Variants in MOSPD1 observed in about 807,000 individuals in gnomAD.
The protein encoded by MOSPD1 is motile sperm domain-containing protein 1.
In MOSPD1, 5 loss-of-function variants were observed where a neutral mutation model predicts 16.7. The ratio of observed to expected loss-of-function variants is 0.30; its 90% confidence interval spans 0.16 to 0.63. The LOEUF is 0.63. MOSPD1 is among the 30% of genes least tolerant of loss of function. The pLI, the probability that MOSPD1 is intolerant of heterozygous loss-of-function variation, is 0.82. For missense variants in MOSPD1, 104 were observed against 153.6 expected, an observed-to-expected ratio of 0.68 and a Z score of 1.71; for synonymous variants, 67 against 59.2, an observed-to-expected ratio of 1.13 and a Z score of -0.61.
At chrX:134,894,870 A>G (rs1481074290) in intron 4 of MOSPD1, among the ~76,000 whole-genome samples, 3 of 111,976 alleles carry the variant, frequency 2.7e-5, no homozygotes, top group African/African-American at 9.7e-5. Flanking sequence ...CTAGGTGCTG[A>G]GGATATAAAA....
At chrX:134,912,138 C>A (rs1262813564) in intron 1 of MOSPD1, among the ~76,000 whole-genome samples, 1 of 111,831 alleles carries the variant, frequency 8.9e-6, no homozygotes, top group Non-Finnish European at 1.9e-5. Context: ...GCAACCTCTG[C>A]TCCCAGATTC....
rs1334775922 is a variant in MOSPD1, at chrX:134,899,384, A to C, written c.50T>G (p.Val17Gly). The C allele has an allele frequency of 8.4e-7, 1 of 1,195,073 alleles. No individual in the cohort carries two copies. Among genetic ancestry groups the C allele is most frequent in the Non-Finnish European group, 1.1e-6 (1 of 890,824 alleles). ...TATGAGCTCCGTGGGGAACACGAAA[A>C]CAGGAAGATTTCCTTCCACTAACTC... ...QPELVEGNLPVFVFPTELIFY... is the reference protein window; with the variant it reads ...QPELVEGNLPGFVFPTELIFY... Residue 17 changes from valine to glycine, a missense_variant, in exon 2 of 6, where the codon GTT becomes GGT. Coordinates refer to ENST00000370783, the MANE Select transcript of MOSPD1 (RefSeq NM_019556.3).
chrX:134,890,074 C>CAAAAA (rs10691243), intron 5 of MOSPD1, among the ~76,000 whole-genome samples: 1 of 57,018 alleles, frequency 1.8e-5, no homozygotes. Context: ...GACTTTATCT[C>CAAAAA]AAAAAAAAAA....
intron 1 of MOSPD1, among the ~76,000 whole-genome samples, chrX:134,910,158 T>C (rs6529652): frequency 0.46 from 50,291 of 110,173 alleles, 9,628 homozygotes; most frequent in African/African-American, 0.74. Context: ...AATCCCAGCA[T>C]TTTGGGAGGC....
intron 4 of MOSPD1, among the ~76,000 whole-genome samples, chrX:134,894,440 C>G (rs185718789): frequency 6.4e-4 from 72 of 111,658 alleles, no homozygotes; most frequent in African/African-American, 2.2e-3. Context: ...CATTTCAAAG[C>G]CTCCCCAAAA....
chrX:134,908,802 T>A (rs1297029841), intron 1 of MOSPD1, among the ~76,000 whole-genome samples: 2 of 111,811 alleles, frequency 1.8e-5, no homozygotes, highest in Non-Finnish European at 1.9e-5. Flanking sequence ...AGTATGATGG[T>A]TTTTTCCATT....
chrX:134,906,503 G>A (rs921542790), intron 1 of MOSPD1, among the ~76,000 whole-genome samples: 6 of 110,017 alleles, frequency 5.5e-5, no homozygotes, highest in Admixed American at 3.9e-4. Context: ...TAAGATATAA[G>A]TTGCATCCTA....
intron 1 of MOSPD1, among the ~76,000 whole-genome samples, chrX:134,902,707 C>A (rs2082918174): frequency 9.1e-6 from 1 of 109,486 alleles, no homozygotes; most frequent in African/African-American, 3.3e-5. Flanking sequence ...GTGGGAGGAT[C>A]ATCTGAGTCC....
chrX:134,913,036 C>T (rs1397160354), intron 1 of MOSPD1, among the ~76,000 whole-genome samples: 1 of 110,670 alleles, frequency 9.0e-6, no homozygotes, highest in Non-Finnish European at 1.9e-5. Context: ...GTCAGGAGTT[C>T]GAGACCAGCC....
intron 1 of MOSPD1, among the ~76,000 whole-genome samples, chrX:134,912,198 C>A (rs1029760273): frequency 9.0e-6 from 1 of 111,658 alleles, no homozygotes; most frequent in South Asian, 3.7e-4. Flanking sequence ...TACAGGCATG[C>A]GCCCCACGCC....
intron 5 of MOSPD1, among the ~76,000 whole-genome samples, chrX:134,891,059 C>T (rs935982478): frequency 1.6e-4 from 18 of 111,387 alleles, no homozygotes; most frequent in African/African-American, 5.9e-4. Flanking sequence ...AGGTTCTGAA[C>T]ATGGTGGCTT....
intron 1 of MOSPD1, among the ~76,000 whole-genome samples, chrX:134,914,458 G>A (rs891525908): frequency 1.8e-5 from 2 of 111,190 alleles, no homozygotes; most frequent in Admixed American, 1.9e-4. Context: ...CCCCACACCG[G>A]CCGCTCCATG....
At chrX:134,895,851 G>GTCAC (rs1327179910) in intron 4 of MOSPD1, among the ~76,000 whole-genome samples, 1 of 110,936 alleles carries the variant, frequency 9.0e-6, no homozygotes, top group Non-Finnish European at 1.9e-5. Context: ...CTACTACCTA[G>GTCAC]TCACTAGTCC....
intron 1 of MOSPD1, among the ~76,000 whole-genome samples, chrX:134,909,042 C>A (rs143642943): frequency 9.1e-6 from 1 of 110,117 alleles, no homozygotes; most frequent in African/African-American, 3.3e-5. Context: ...CCGAGGCGGG[C>A]GGATCACGAG....
chrX:134,892,548 A>G (rs2082867088), intron 4 of MOSPD1, among the ~76,000 whole-genome samples: 1 of 112,490 alleles, frequency 8.9e-6, no homozygotes, highest in Non-Finnish European at 1.9e-5. Flanking sequence ...TTACATGAAC[A>G]TTCATTAAGA....
chrX:134,905,240 G>A lies in MOSPD1; in HGVS notation c.-101-5706C>T, dbSNP rs750713359. Among the ~76,000 whole-genome samples, 424 of 107,849 alleles carry A rather than the reference G, an allele frequency of 3.9e-3. 5 individuals are homozygous for A. The highest frequency in any genetic ancestry group is 0.014 in the African/African-American group (401 of 29,600). The allele number at this position is 107,849 out of a possible 115,157, so 93.7% of individuals were successfully genotyped here. A position where few individuals can be genotyped will look rare whatever the true frequency, so the allele number is the denominator to read the frequency against. On this transcript the variant is annotated intron_variant, in intron 1 of 5. Coordinates refer to ENST00000370783, the MANE Select transcript of MOSPD1 (RefSeq NM_019556.3). ...TACACCACGCCAGGCGTGGTGGCGG[G>A]CGCCTGTAGTCCCAGCTACTCAGGA...
chrX:134,910,928 C>T (rs4830305), intron 1 of MOSPD1, among the ~76,000 whole-genome samples: 49,907 of 111,424 alleles, frequency 0.45, 9,209 homozygotes, highest in African/African-American at 0.71. Context: ...AATTCCGGGA[C>T]TGGGGCCCAG....
At chrX:134,895,242 T>C (rs1249866334) in intron 4 of MOSPD1, among the ~76,000 whole-genome samples, 1 of 110,324 alleles carries the variant, frequency 9.1e-6, no homozygotes, top group Non-Finnish European at 1.9e-5. Flanking sequence ...GGAGGATTAC[T>C]TGAATCCAGG....
At chrX:134,899,049 A>G (rs1220613203) in intron 3 of MOSPD1, 41 bp downstream of exon 3, 4 of 981,909 alleles carry the variant, frequency 4.1e-6, no homozygotes, top group Middle Eastern at 2.9e-4. Context: ...ATAAATATTA[A>G]CACACTTAAA....
Sources: gnomAD v4.1 joint callset for allele counts (sites outside exome capture counted in the v4.1 genomes callset) on GRCh38, gnomAD v4.1.1 for gene constraint, MANE v1.5 for transcripts, NCBI Gene and HGNC (gene_info 2026-07-23, HGNC 2026-07-21) for gene names.